The following RNF169 variants were observed in gnomAD, a reference collection of about 807,000 sequenced individuals.
RNF169 encodes the protein ring finger protein 169.
In RNF169, 24 loss-of-function variants were observed where a neutral mutation model predicts 53.9. The ratio of observed to expected loss-of-function variants is 0.45; its 90% CI spans 0.32 to 0.63. The LOEUF is 0.63. Ranked by LOEUF, RNF169 falls within the 20% of genes least tolerant of loss-of-function variation. RNF169 has a pLI of 0.04. For missense variants in RNF169, 883 were observed against 906.2 expected, an observed-to-expected ratio of 0.97 and a Z score of 0.33; for synonymous variants, 396 against 363.5, an observed-to-expected ratio of 1.09 and a Z score of -1.02.
At position 74,840,731 on chromosome 11, in the gene RNF169, C is replaced by T. The variant is rs1255247485; in HGVS notation, c.*4001C>T. The T allele has an allele frequency of 6.6e-6, 1 of 151,546 alleles. No homozygotes were observed. Among genetic ancestry groups the T allele is most frequent in the East Asian group, 1.9e-4 (1 of 5,158 alleles). 9.4% of individuals were successfully genotyped at this position (151,546 alleles called of 1,614,324 possible). Reference sequence around the variant, plus strand: ...GGGTCACAGTCATAGAATGTTACAGCTGGAATGGGCATGGAAATCATCCAA... The same window carrying T: ...GGGTCACAGTCATAGAATGTTACAGTTGGAATGGGCATGGAAATCATCCAA... On this transcript the variant is annotated 3_prime_UTR_variant, in exon 6 of 6. Coordinates refer to ENST00000299563, the MANE Select transcript of RNF169 (RefSeq NM_001098638.2).
At chr11:74,831,670 A>T (rs2036179229) in intron 4 of RNF169, 1 of 151,552 alleles carries the variant, frequency 6.6e-6, no homozygotes, top group Non-Finnish European at 1.5e-5. Flanking sequence ...TTTTCAGAGG[A>T]TCCCAAATAG....
chr11:74,782,796 A>C (rs2035434959), intron 1 of RNF169, among the ~76,000 whole-genome samples: 1 of 152,144 alleles, frequency 6.6e-6, no homozygotes, highest in Admixed American at 6.6e-5. Flanking sequence ...TAATTTGGCA[A>C]ACAGCAGTTT....
intron 1 of RNF169, among the ~76,000 whole-genome samples, chr11:74,776,470 T>G (rs1320096617): frequency 7.6e-6 from 1 of 132,340 alleles, no homozygotes; most frequent in African/African-American, 3.0e-5. Context: ...AAGACCATAG[T>G]GCAAAATGAT....
At chr11:74,751,024 C>G (rs1377646298) in intron 1 of RNF169, among the ~76,000 whole-genome samples, 1 of 151,932 alleles carries the variant, frequency 6.6e-6, no homozygotes, top group Non-Finnish European at 1.5e-5. Context: ...GCACGCGCCA[C>G]CACACCCTGC....
At chr11:74,765,588 G>C (rs560263251) in intron 1 of RNF169, among the ~76,000 whole-genome samples, 3 of 152,136 alleles carry the variant, frequency 2.0e-5, no homozygotes, top group Non-Finnish European at 4.4e-5. Context: ...ATCACCTGAG[G>C]TCAGGAGTTT....
At chr11:74,749,526 G>T (rs1591380621) in intron 1 of RNF169, 144 bp downstream of exon 1, 1 of 695,346 alleles carries the variant, frequency 1.4e-6, no homozygotes, top group Non-Finnish European at 1.9e-6. Context: ...CTCTACCCAG[G>T]TGCAGTGTGT....
At chr11:74,797,338 T>C (rs2035663418) in intron 2 of RNF169, among the ~76,000 whole-genome samples, 1 of 152,262 alleles carries the variant, frequency 6.6e-6, no homozygotes, top group Non-Finnish European at 1.5e-5. Context: ...TTTGGCTGTG[T>C]AGTGTATCAT....
At position 74,836,942 on chromosome 11, in the gene RNF169, A is replaced by G; in HGVS notation, c.*212A>G. On this transcript the variant is annotated 3_prime_UTR_variant, in exon 6 of 6. Transcript: ENST00000299563. Reference sequence around the variant, plus strand: ...CCAGAAGCCTGAGTGACCCATCCCTAAGGGCTTCTGGGCCAAACCTGGCAG... The same window carrying G: ...CCAGAAGCCTGAGTGACCCATCCCTGAGGGCTTCTGGGCCAAACCTGGCAG... 1 of 488,458 alleles carries G rather than the reference A, an allele frequency of 2.0e-6. No individual in the cohort carries two copies. Among genetic ancestry groups the G allele is most frequent in the Non-Finnish European group, 3.6e-6 (1 of 276,740 alleles). 30.3% of individuals were successfully genotyped at this position (488,458 alleles called of 1,614,324 possible).
rs981664562 is a variant in RNF169 at position 74,791,950 on chromosome 11, A to C, written c.576+2251A>C. On this transcript the variant is annotated intron_variant, in intron 2 of 5. Coordinates refer to ENST00000299563, the MANE Select transcript of RNF169 (RefSeq NM_001098638.2). Reference sequence around the variant, plus strand: ...TGCAGCTGGCATCTTCACAGTGCCCACTCCAGGCAGGCTGCTGCTGCCATC... The same window carrying C: ...TGCAGCTGGCATCTTCACAGTGCCCCCTCCAGGCAGGCTGCTGCTGCCATC... 2.0e-5 allele frequency among the ~76,000 whole-genome samples: 3 copies of C among 152,148 alleles called. No homozygotes were observed. The East Asian group carries it at 5.8e-4, about 29-fold the overall frequency.
Position 74,749,379 on chromosome 11 carries a change from C to T in RNF169, c.499C>T (p.Pro167Ser). The change falls in exon 1 of 6, where the codon CCA (proline) becomes TCA (serine). Residue 167 changes from proline to serine, a missense_variant. Pro to Ser is a moderately conservative substitution (Grantham distance 74). Transcript: ENST00000299563. The stretch of plus-strand genomic sequence containing the variant: ...GGAGCCGCGTGCCGCGCCTGCGGAG[C>T]CAGGTGGAGCTTCCCCACTTCCCCT... The part of the protein sequence containing the change: ...EQEPRAAPAE[P>S]DFIFRAPIKL... 8.0e-7 allele frequency: 1 copy of T among 1,247,414 alleles called. No individual in the cohort carries two copies. The highest frequency in any genetic ancestry group is 3.0e-5 in the East Asian group (1 of 32,798). 77.3% of individuals were successfully genotyped at this position (1,247,414 alleles called of 1,614,324 possible).
chr11:74,752,228 TAA>T (rs11325931), intron 1 of RNF169, among the ~76,000 whole-genome samples: 831 of 78,724 alleles, frequency 0.011, 10 homozygotes, highest in African/African-American at 0.037. Flanking sequence ...GAGACTGTCT[TAA>T]AAAAAAAAAA....
Position 74,780,624 on chromosome 11 carries a change from G to T in RNF169, c.503-9002G>T, listed in dbSNP as rs117731996. Among the ~76,000 whole-genome samples the T allele has an allele frequency of 2.3e-3, 357 of 152,132 alleles. 2 individuals are homozygous for T. Among genetic ancestry groups the T allele is most frequent in the Middle Eastern group, 6.8e-3 (2 of 294 alleles). ...CTTTAAAAAATGGTTTTAATTTTTG[G>T]CTTGTAGTTTCATCATGAAAATCTT... On this transcript the variant is annotated intron_variant, in intron 1 of 5. Transcript: ENST00000299563.
At chr11:74,791,940 C>G (rs533110321) in intron 2 of RNF169, among the ~76,000 whole-genome samples, 9 of 152,372 alleles carry the variant, frequency 5.9e-5, no homozygotes, top group African/African-American at 2.2e-4. Flanking sequence ...CTGGCATCTT[C>G]ACAGTGCCCA....
At chr11:74,763,531 A>G (rs1393952166) in intron 1 of RNF169, among the ~76,000 whole-genome samples, 1 of 152,352 alleles carries the variant, frequency 6.6e-6, no homozygotes, top group South Asian at 2.1e-4. Context: ...AGAATGAAAC[A>G]TAATGAAAAA....
intron 1 of RNF169, among the ~76,000 whole-genome samples, chr11:74,775,321 C>G (rs969030130): frequency 1.3e-5 from 2 of 152,068 alleles, no homozygotes; most frequent in Non-Finnish European, 2.9e-5. Context: ...TTTGTACTCC[C>G]TCCTCTCTAT....
chr11:74,768,046 T>C (rs2035201362), intron 1 of RNF169, among the ~76,000 whole-genome samples: 1 of 152,176 alleles, frequency 6.6e-6, no homozygotes, highest in Admixed American at 6.5e-5. Context: ...GTCAAGACCA[T>C]TTTGAAGAAC....
intron 1 of RNF169, among the ~76,000 whole-genome samples, chr11:74,749,971 C>T (rs772772097): frequency 2.6e-5 from 4 of 152,120 alleles, no homozygotes; most frequent in Admixed American, 2.0e-4. Context: ...AAGTGACTGT[C>T]GTTTATATTT....
rs2034838453 is a variant in RNF169, at chr11:74,748,994, C to A, written c.114C>A (p.Ala38=). 6.7e-7 allele frequency: 1 copy of A among 1,498,232 alleles called. No homozygotes were observed. The highest frequency in any genetic ancestry group is 1.4e-5 in the African/African-American group (1 of 69,118). 92.8% of individuals were successfully genotyped at this position (1,498,232 alleles called of 1,614,324 possible). A position where few individuals can be genotyped will look rare whatever the true frequency, so the allele number is the denominator to read the frequency against. Residue 38 remains alanine (A), a synonymous_variant, in exon 1 of 6, where the codon GCC becomes GCA. Transcript: ENST00000299563. ...AGACGGCGGCAGCTAAGACTGGGGC[C>A]CCAGGCCCGGCTTCTGGACCTTCGC... ...CDETAAAKTG[A]PGPASGPSLL... is the part of the protein sequence containing the mutation.
At chr11:74,762,316 T>G (rs1565170536) in intron 1 of RNF169, among the ~76,000 whole-genome samples, 1 of 151,916 alleles carries the variant, frequency 6.6e-6, no homozygotes, top group Non-Finnish European at 1.5e-5. Flanking sequence ...TCAAAATCAT[T>G]CTCCATCCAG....
Sources: gnomAD v4.1 joint callset for allele counts (sites outside exome capture counted in the v4.1 genomes callset) on GRCh38, gnomAD v4.1.1 for gene constraint, MANE v1.5 for transcripts, NCBI Gene and HGNC (gene_info 2026-07-23, HGNC 2026-07-21) for gene names.